MTDH: variants seen among roughly 807,000 people sequenced by gnomAD.
MTDH encodes protein LYRIC.
Under a neutral mutation model 72.7 loss-of-function variants are expected in MTDH, and 34 were observed. The observed-to-expected ratio is 0.47, with a 90% CI of 0.36 to 0.62. MTDH has a LOEUF of 0.62. Among genes scored for constraint, MTDH ranks in the 20% least tolerant of loss-of-function variants. The pLI, the probability that MTDH is intolerant of heterozygous loss-of-function variation, is 0.00. For missense variants in MTDH, 677 were observed against 699.4 expected, an observed-to-expected ratio of 0.97 and a Z score of 0.36; for synonymous variants, 266 against 268.9, an observed-to-expected ratio of 0.99 and a Z score of 0.10.
At chr8:97,716,161 T>G (rs934261981) in intron 9 of MTDH, among the ~76,000 whole-genome samples, 2 of 150,414 alleles carry the variant, frequency 1.3e-5, no homozygotes, top group Non-Finnish European at 1.5e-5. Flanking sequence ...CCACGGCGGG[T>G]GGATCACCTG....
intron 6 of MTDH, among the ~76,000 whole-genome samples, chr8:97,695,048 A>AAT (rs1248595819): frequency 6.6e-6 from 1 of 151,798 alleles, no homozygotes; most frequent in Non-Finnish European, 1.5e-5. Flanking sequence ...AATTTTATGG[A>AAT]GTAATGTTAG....
intron 11 of MTDH, among the ~76,000 whole-genome samples, chr8:97,723,721 C>T (rs1163231640): frequency 2.7e-5 from 4 of 150,940 alleles, no homozygotes; most frequent in East Asian, 2.0e-4. Flanking sequence ...CCAACCTGGG[C>T]GACAGAGCAA....
At chr8:97,660,897 A>G (rs1331686272) in intron 1 of MTDH, among the ~76,000 whole-genome samples, 175 bp from the exon 2 acceptor site, 1 of 123,170 alleles carries the variant, frequency 8.1e-6, no homozygotes, top group African/African-American at 4.1e-5. Flanking sequence ...ATATATATAT[A>G]TATAAACACT....
chr8:97,676,094 C>T (rs985334394), intron 2 of MTDH, among the ~76,000 whole-genome samples: 7 of 151,948 alleles, frequency 4.6e-5, no homozygotes, highest in African/African-American at 1.7e-4. Context: ...CGTGCACCAC[C>T]ATGCCTGGTT....
chr8:97,656,928 G>A (rs971464986), intron 1 of MTDH, among the ~76,000 whole-genome samples: 3 of 151,640 alleles, frequency 2.0e-5, no homozygotes, highest in African/African-American at 7.3e-5. Flanking sequence ...GCTGCAGTGA[G>A]CCAAGGTCAT....
intron 10 of MTDH, among the ~76,000 whole-genome samples, chr8:97,720,308 G>A (rs1416891060): frequency 6.6e-6 from 1 of 150,628 alleles, no homozygotes; most frequent in East Asian, 2.0e-4. Context: ...CAGGTGCAGT[G>A]GCTCAGACCT....
chr8:97,694,037 G>C (rs1186156513), intron 6 of MTDH, among the ~76,000 whole-genome samples: 2 of 152,008 alleles, frequency 1.3e-5, no homozygotes, highest in Non-Finnish European at 2.9e-5. Flanking sequence ...TTTAAATCTA[G>C]TTATACTTTC....
rs1815380975 is a variant in MTDH, at chr8:97,727,019, A to G, written c.*2349A>G. The G allele has an allele frequency of 6.6e-6, 1 of 151,898 alleles. No individual in the cohort carries two copies. Among genetic ancestry groups the G allele is most frequent in the African/African-American group, 2.4e-5 (1 of 41,362 alleles). 9.4% of individuals were successfully genotyped at this position (151,898 alleles called of 1,614,324 possible). A position where few individuals can be genotyped will look rare whatever the true frequency, so the allele number is the denominator to read the frequency against. On this transcript the variant is annotated 3_prime_UTR_variant, in exon 12 of 12. Coordinates refer to ENST00000336273, the MANE Select transcript of MTDH (RefSeq NM_178812.4). ...TTTGAACCCAGGAGACGGAGTTTGC[A>G]AAGCCAAGATCGTGCCACTGCACTC...
intron 2 of MTDH, among the ~76,000 whole-genome samples, chr8:97,680,489 T>G (rs1273510823): frequency 6.6e-6 from 1 of 152,226 alleles, no homozygotes; most frequent in Non-Finnish European, 1.5e-5. Context: ...AGGAGTGTTA[T>G]GGTGTGTGTA....
At chr8:97,698,191 A>G (rs1391245201) in intron 6 of MTDH, among the ~76,000 whole-genome samples, 3 of 152,226 alleles carry the variant, frequency 2.0e-5, no homozygotes, top group South Asian at 2.1e-4. Flanking sequence ...CTAACCAAGT[A>G]TCTTTTCTTC....
chr8:97,684,005 G>A (rs925103388), intron 2 of MTDH, among the ~76,000 whole-genome samples: 1 of 152,090 alleles, frequency 6.6e-6, no homozygotes, highest in African/African-American at 2.4e-5. Context: ...CAGCTTCTCA[G>A]GAGGCTGAGG....
At chr8:97,722,777 A>G (rs541408641) in intron 10 of MTDH, 102 bp from the exon 11 acceptor site, 1 of 1,135,824 alleles carries the variant, frequency 8.8e-7, no homozygotes, top group Non-Finnish European at 1.2e-6. Flanking sequence ...AAACCATATT[A>G]GTATTGAATT....
At chr8:97,666,605 G>A (rs1396304617) in intron 2 of MTDH, among the ~76,000 whole-genome samples, 2 of 152,182 alleles carry the variant, frequency 1.3e-5, no homozygotes, top group East Asian at 1.9e-4. Flanking sequence ...CTATGTTGAT[G>A]CTTGCACTGA....
chr8:97,670,962 T>G (rs1030321748), intron 2 of MTDH, among the ~76,000 whole-genome samples: 7 of 137,650 alleles, frequency 5.1e-5, no homozygotes, highest in Non-Finnish European at 9.5e-5. Context: ...GTTTTTTTTT[T>G]TTTTTTTTTT....
At chr8:97,656,204 A>G (rs905813492) in intron 1 of MTDH, among the ~76,000 whole-genome samples, 3 of 151,978 alleles carry the variant, frequency 2.0e-5, no homozygotes, top group African/African-American at 7.3e-5. Flanking sequence ...TCAGTGTTAA[A>G]CCTTATATAT....
intron 2 of MTDH, among the ~76,000 whole-genome samples, chr8:97,681,277 A>G (rs548728059): frequency 6.6e-6 from 1 of 152,302 alleles, no homozygotes; most frequent in South Asian, 2.1e-4. Flanking sequence ...TCAAAGAGGT[A>G]CCAGTCTTGT....
chr8:97,722,274 G>C (rs1056052511), intron 10 of MTDH, among the ~76,000 whole-genome samples: 2 of 152,022 alleles, frequency 1.3e-5, no homozygotes, highest in Non-Finnish European at 2.9e-5. Flanking sequence ...AAAAAGAAAA[G>C]CATAAAATCA....
At chr8:97,717,002 G>A (rs1814902692) in intron 9 of MTDH, among the ~76,000 whole-genome samples, 1 of 152,162 alleles carries the variant, frequency 6.6e-6, no homozygotes, top group Admixed American at 6.6e-5. Flanking sequence ...TGGTGTTCGT[G>A]TGTGGCTGAT....
At chr8:97,688,590 C>T (rs1305167827) in intron 4 of MTDH, among the ~76,000 whole-genome samples, 1 of 152,004 alleles carries the variant, frequency 6.6e-6, no homozygotes, top group African/African-American at 2.4e-5. Context: ...GTATTCTCAC[C>T]TCTTGCCATA....
Sources: gnomAD v4.1 joint callset for allele counts (sites outside exome capture counted in the v4.1 genomes callset) on GRCh38, gnomAD v4.1.1 for gene constraint, MANE v1.5 for transcripts, NCBI Gene and HGNC (gene_info 2026-07-23, HGNC 2026-07-21) for gene names.